The following ELAC2 variants were observed in gnomAD, a reference collection of about 807,000 sequenced individuals.
ELAC2 encodes the protein elaC ribonuclease Z 2.
Under a neutral mutation model 105.2 loss-of-function variants are expected in ELAC2, and 92 were observed. The ratio of observed to expected loss-of-function variants is 0.87; its 90% CI spans 0.74 to 1.04. The LOEUF is 1.04. ELAC2 is among the 50% of genes least tolerant of loss of function. The pLI is 0.00. For missense variants in ELAC2, 1,099 were observed against 1,071.7 expected (o/e 1.03, Z -0.36); for synonymous variants, 468 against 409.1 (o/e 1.14, Z -1.74).
intron 19 of ELAC2, 148 bp from the exon 20 acceptor site, chr17:12,995,210 T>A: frequency 1.1e-6 from 1 of 906,502 alleles, no homozygotes; most frequent in Non-Finnish European, 1.8e-6. Flanking sequence ...GAAACAGCAG[T>A]CAAATATAAA....
At chr17:13,017,319 G>GT in intron 1 of ELAC2, 198 bp from the exon 2 acceptor site, 1 of 654,364 alleles carries the variant, frequency 1.5e-6, no homozygotes, top group Non-Finnish European at 2.7e-6. Context: ...GTGGGGGCCT[G>GT]TGTGTGTGGG....
chr17:13,011,015 A>G (rs1050102207), intron 7 of ELAC2, among the ~76,000 whole-genome samples: 5 of 152,222 alleles, frequency 3.3e-5, no homozygotes, highest in Non-Finnish European at 5.9e-5. Context: ...AAATAACACA[A>G]AAGTTCAAAG....
intron 22 of ELAC2, 115 bp from the exon 23 acceptor site, chr17:12,993,946 TTTC>T: frequency 3.4e-6 from 5 of 1,484,282 alleles, no homozygotes; most frequent in Middle Eastern, 1.9e-4. Flanking sequence ...GCTGGTGGGT[TTTC>T]TTAACGGGCA....
intron 15 of ELAC2, among the ~76,000 whole-genome samples, 173 bp from the exon 16 acceptor site, chr17:12,998,681 G>A (rs2040598628): frequency 6.6e-6 from 1 of 152,204 alleles, no homozygotes. Flanking sequence ...GAAGGCGTTT[G>A]GGCTACAGGG....
At chr17:13,015,959 G>A in intron 3 of ELAC2, 127 bp from the exon 4 acceptor site, 3 of 775,280 alleles carry the variant, frequency 3.9e-6, no homozygotes, top group Non-Finnish European at 6.9e-6. Flanking sequence ...GTACAACCAG[G>A]GAAGATGTAC....
At chr17:12,994,287 C>G in intron 22 of ELAC2, 138 bp downstream of exon 22, 1 of 1,000,956 alleles carries the variant, frequency 1.0e-6, no homozygotes, top group Non-Finnish European at 1.6e-6. Context: ...AGCACTGCCA[C>G]AGGTCAAGGA....
Position 13,005,916 on chromosome 17 carries a change from C to A in ELAC2, c.797+5G>T. The A allele has an allele frequency of 6.2e-7, 1 of 1,614,210 alleles. No homozygotes were observed. The highest frequency in any genetic ancestry group is 8.5e-7 in the Non-Finnish European group (1 of 1,180,048). ...GTCCCCAGAAGCCTTACCCCCCACA[C>A]TCACACTGGGAGGCCCATCTCCTTT... On this transcript the variant is annotated splice_donor_5th_base_variant and intron_variant, in intron 9 of 23. Coordinates refer to ENST00000338034, the MANE Select transcript of ELAC2 (RefSeq NM_018127.7).
At chr17:13,007,695 T>C (rs901521601) in intron 8 of ELAC2, among the ~76,000 whole-genome samples, 1 of 152,036 alleles carries the variant, frequency 6.6e-6, no homozygotes, top group African/African-American at 2.4e-5. Context: ...CTGGCCAACA[T>C]GGTGAAACCC....
chr17:13,001,479 T>C (rs1284089415), intron 14 of ELAC2, among the ~76,000 whole-genome samples: 4 of 151,604 alleles, frequency 2.6e-5, no homozygotes, highest in Non-Finnish European at 4.4e-5. Flanking sequence ...GCAACAAGAG[T>C]GAAACTCCGT....
At chr17:13,006,798 T>C (rs2041134662) in intron 8 of ELAC2, among the ~76,000 whole-genome samples, 1 of 152,242 alleles carries the variant, frequency 6.6e-6, no homozygotes. Context: ...ATAATGTCAC[T>C]GCTTTTATCT....
chr17:12,996,556 A>T lies in ELAC2; in HGVS notation c.1650T>A (p.Asp550Glu). Residue 550 changes from aspartate to glutamate, a missense_variant, in exon 17 of 24, where the codon GAT becomes GAA. By Grantham distance (45) the Asp-to-Glu change is conservative (BLOSUM62 2). Coordinates refer to ENST00000338034, the MANE Select transcript of ELAC2 (RefSeq NM_018127.7). ...AAVFVSHLHA[D>E]HHTGLPSILL... ...CCAGCCCAACACTCACCGTGTGGTGATCTGCGTGCAGGTGGGACACAAACA... is the reference window on the plus strand; with the variant it reads ...CCAGCCCAACACTCACCGTGTGGTGTTCTGCGTGCAGGTGGGACACAAACA... 1 of 1,613,972 alleles carries T rather than the reference A, an allele frequency of 6.2e-7. No individual in the cohort carries two copies. The highest frequency in any genetic ancestry group is 1.1e-5 in the South Asian group (1 of 91,084).
chr17:12,996,415 T>C (rs1446590413), intron 17 of ELAC2, 132 bp downstream of exon 17: 1 of 1,406,664 alleles, frequency 7.1e-7, no homozygotes, highest in South Asian at 1.2e-5. Context: ...AAAAAACCAT[T>C]TCCTAGCCAG....
chr17:13,016,011 A>T (rs1049650437), intron 3 of ELAC2, among the ~76,000 whole-genome samples, 179 bp from the exon 4 acceptor site: 1 of 152,258 alleles, frequency 6.6e-6, no homozygotes, highest in Admixed American at 6.5e-5. Context: ...CAGACACCAA[A>T]TATTCTTTAA....
intron 8 of ELAC2, among the ~76,000 whole-genome samples, chr17:13,009,698 A>C (rs1447564652): frequency 1.2e-4 from 18 of 152,238 alleles, no homozygotes; most frequent in Admixed American, 1.2e-3. Context: ...TGGCAAATAT[A>C]AAAGAATATG....
Position 12,993,044 on chromosome 17 carries a change from A to C in ELAC2, c.2255T>G (p.Val752Gly), listed in dbSNP as rs749717060. 4 of 1,601,812 alleles carry C rather than the reference A, an allele frequency of 2.5e-6. No homozygotes were observed. The highest frequency in any genetic ancestry group is 3.4e-6 in the Non-Finnish European group (4 of 1,179,308). ...CATTGTTGGAAAGTCTCCAAAGCAG[A>C]CCTAGAAGACACAATAGAAGACAAG... ...KVGVAFDHMK[V>G]CFGDFPTMPK... is the part of the protein sequence containing the mutation. The change falls in exon 24 of 24, where the codon GTC becomes GGC. Residue 752 changes from valine (V) to glycine (G), a missense_variant and splice_region_variant. By Grantham distance (109) the Val-to-Gly change is moderately radical. Transcript: ENST00000338034.
chr17:13,005,219 G>C (rs575136231), intron 10 of ELAC2, 118 bp from the exon 11 acceptor site: 54 of 785,656 alleles, frequency 6.9e-5, no homozygotes, highest in Admixed American at 6.1e-4. Flanking sequence ...GGTAAACAAA[G>C]CACAAAACCA....
chr17:13,011,786 G>A lies in ELAC2; in HGVS notation c.560-4C>T. ...TGCTTTCCCCTCCTCTGTTCACCTG[G>A]TCAGTACAGATACCACCAAATTACA... On this transcript the variant is annotated splice_polypyrimidine_tract_variant and splice_region_variant and intron_variant, in intron 6 of 23. Coordinates refer to ENST00000338034, the MANE Select transcript of ELAC2 (RefSeq NM_018127.7). 6.2e-7 allele frequency: 1 copy of A among 1,614,102 alleles called. No individual in the cohort carries two copies. The highest frequency in any genetic ancestry group is 8.5e-7 in the Non-Finnish European group (1 of 1,180,024).
chr17:13,017,488 C>G, intron 1 of ELAC2: 1 of 1,018,764 alleles, frequency 9.8e-7, no homozygotes, highest in Non-Finnish European at 1.4e-6. Flanking sequence ...GGGAAAAGGA[C>G]GCTCAGACCC....
Position 13,011,696 on chromosome 17 carries a change from C to T in ELAC2, c.646G>A (p.Glu216Lys), listed in dbSNP as rs1382116568. ...RLSPERSSDS[E>K]SNENEPHLPH... The stretch of plus-strand genomic sequence containing the variant: ...AGGTGTGGCTCATTTTCATTCGACT[C>T]GGAGTCTGAAGATCGCTCTGGACTG... The change falls in exon 7 of 24, where the codon GAG (glutamate) becomes AAG (lysine). Residue 216 changes from glutamate to lysine, a missense_variant. Transcript: ENST00000338034. 22 of 1,614,136 alleles carry T rather than the reference C, an allele frequency of 1.4e-5. No homozygotes were observed. Among genetic ancestry groups the T allele is most frequent in the South Asian group, 3.3e-5 (3 of 91,088 alleles).
Sources: allele counts gnomAD v4.1 joint callset (sites outside exome capture counted in the v4.1 genomes callset), GRCh38; gene constraint gnomAD v4.1.1; transcripts MANE v1.5; gene names NCBI Gene and HGNC (gene_info 2026-07-23, HGNC 2026-07-21).